Variants in ETF1 observed in about 807,000 individuals in gnomAD.
The protein encoded by ETF1 is eukaryotic translation termination factor 1.
Under a neutral mutation model 55.1 loss-of-function variants are expected in ETF1, and 4 were observed. That is an observed-to-expected ratio of 0.07 (90% confidence interval 0.04 to 0.17). The LOEUF is 0.17. ETF1 is among the 10% of genes least tolerant of loss of function. The probability of loss-of-function intolerance (pLI) is 1.00; values close to 1 mark genes in which losing one functional copy is unlikely to be tolerated. For missense variants in ETF1, 142 were observed against 523.6 expected (o/e 0.27, Z 7.11); for synonymous variants, 157 against 182.3 (o/e 0.86, Z 1.12).
At chr5:138,541,808 G>A in intron 2 of ETF1, 1 of 487,682 alleles carries the variant, frequency 2.1e-6, no homozygotes, top group African/African-American at 2.0e-5. Context: ...TTCTATGACT[G>A]GGAAAGGAAC....
At position 138,517,567 on chromosome 5, in the gene ETF1, A is replaced by G. The variant is rs1166578446; in HGVS notation, c.396T>C (p.His132=). ...TSLYLCDNKF[H]TEALTALLSD... ...TCTGGGTTTGACTTCTTACCTCTGTATGGAATTTGTTGTCACACAAATACA... is the reference window on the plus strand; with the variant it reads ...TCTGGGTTTGACTTCTTACCTCTGTGTGGAATTTGTTGTCACACAAATACA... The change falls in exon 4 of 11, where the codon CAT becomes CAC. Residue 132 remains histidine (H), a synonymous_variant. Coordinates refer to ENST00000360541, the MANE Select transcript of ETF1 (RefSeq NM_004730.4). 6.3e-7 allele frequency: 1 copy of G among 1,576,014 alleles called. No homozygotes were observed. Among genetic ancestry groups the G allele is most frequent in the Admixed American group, 1.7e-5 (1 of 58,564 alleles).
At chr5:138,542,801 A>G (rs1561850481) in intron 2 of ETF1, 32 bp downstream of exon 2, 3 of 1,609,762 alleles carry the variant, frequency 1.9e-6, no homozygotes, top group African/African-American at 2.7e-5. Flanking sequence ...GGGAACCAAG[A>G]GGGCACGGAG....
intron 9 of ETF1, among the ~76,000 whole-genome samples, 177 bp downstream of exon 9, chr5:138,510,388 A>AAAAAAAAAAAAAAAAT: frequency 8.0e-6 from 1 of 124,904 alleles, no homozygotes; most frequent in African/African-American, 2.9e-5. Flanking sequence ...AAAAAAAAAA[A>AAAAAAAAAAAAAAAAT]GCTGCAGCTC....
chr5:138,528,745 G>A (rs1445036292), intron 2 of ETF1, among the ~76,000 whole-genome samples: 1 of 152,108 alleles, frequency 6.6e-6, no homozygotes, highest in Non-Finnish European at 1.5e-5. Context: ...TTTAAAATAA[G>A]ACACCTGACT....
chr5:138,530,843 G>A (rs965838136), intron 2 of ETF1, among the ~76,000 whole-genome samples: 3 of 152,212 alleles, frequency 2.0e-5, no homozygotes, highest in Non-Finnish European at 4.4e-5. Flanking sequence ...GGGATTACAG[G>A]TGTGAGCGAC....
rs1765510034 is a variant in ETF1, at chr5:138,527,193, A to G, written c.87-8326T>C. On this transcript the variant is annotated intron_variant, in intron 2 of 10. Coordinates refer to ENST00000360541, the MANE Select transcript of ETF1 (RefSeq NM_004730.4). ...CTGGCTGTCCAGTCCTCCCACTATC[A>G]AAAATAGCTACTCTCAGATTGGCAG... is the stretch of plus-strand genomic sequence containing the variant. 2.0e-5 allele frequency among the ~76,000 whole-genome samples: 3 copies of G among 152,178 alleles called. No homozygotes were observed. The South Asian group carries it at 6.2e-4, about 32-fold the overall frequency.
intron 2 of ETF1, among the ~76,000 whole-genome samples, chr5:138,521,853 A>G (rs1009020618): frequency 1.3e-5 from 2 of 152,174 alleles, no homozygotes; most frequent in African/African-American, 2.4e-5. Flanking sequence ...TTTTTAGAGC[A>G]TGCACTTCCC....
At chr5:138,530,710 G>GT (rs1311774025) in intron 2 of ETF1, among the ~76,000 whole-genome samples, 6 of 151,940 alleles carry the variant, frequency 3.9e-5, no homozygotes, top group African/African-American at 1.5e-4. Context: ...AGTAGCTAGG[G>GT]TTACAGGCAC....
rs968793284 is a variant in ETF1 at position 138,520,935 on chromosome 5, C to CA, written c.87-2069dup. Among the ~76,000 whole-genome samples the CA allele has an allele frequency of 7.3e-3, 1,083 of 147,810 alleles. 7 individuals are homozygous for CA. The highest frequency in any genetic ancestry group is 9.5e-3 in the Non-Finnish European group (636 of 66,666). ...TGTGGGATAAGTGTGGTAGCTCTTC[C>CA]AAAAAAAAAAATTTTTTTTTAACAC... is the stretch of plus-strand genomic sequence containing the variant. On this transcript the variant is annotated intron_variant, in intron 2 of 10. Coordinates refer to ENST00000360541, the MANE Select transcript of ETF1 (RefSeq NM_004730.4).
intron 2 of ETF1, among the ~76,000 whole-genome samples, chr5:138,527,778 CTT>C (rs111540636): frequency 2.1e-5 from 3 of 145,578 alleles, no homozygotes; most frequent in Admixed American, 7.1e-5. Flanking sequence ...TCTTTCTTTT[CTT>C]TTTTTTTTTG....
chr5:138,533,462 C>T (rs1221341832), intron 2 of ETF1, among the ~76,000 whole-genome samples: 1 of 151,958 alleles, frequency 6.6e-6, no homozygotes, highest in Admixed American at 6.6e-5. Context: ...CCGAGGCAGG[C>T]GGATCACGAG....
intron 9 of ETF1, among the ~76,000 whole-genome samples, chr5:138,510,175 T>C (rs1403287977): frequency 2.7e-5 from 4 of 150,312 alleles, no homozygotes; most frequent in Non-Finnish European, 4.4e-5. Context: ...CAGGGCAACA[T>C]GGTGAAAACG....
At chr5:138,517,472 G>GTT (rs1378209994) in intron 4 of ETF1, 89 bp downstream of exon 4, 1 of 613,168 alleles carries the variant, frequency 1.6e-6, no homozygotes, top group Admixed American at 2.8e-5. Flanking sequence ...GAATGAGACA[G>GTT]GTAAGTGGGA....
chr5:138,518,358 G>A (rs1327407900), intron 3 of ETF1, among the ~76,000 whole-genome samples: 1 of 151,998 alleles, frequency 6.6e-6, no homozygotes, highest in Non-Finnish European at 1.5e-5. Context: ...CTACAGGTGT[G>A]TGCCACCAGG....
intron 2 of ETF1, among the ~76,000 whole-genome samples, chr5:138,519,525 T>G (rs1765150537): frequency 6.6e-6 from 1 of 151,392 alleles, no homozygotes; most frequent in South Asian, 2.1e-4. Flanking sequence ...TCGCTGGGCA[T>G]GGTGGCAAGT....
intron 5 of ETF1, 97 bp downstream of exon 5, chr5:138,513,471 T>C (rs1453553398): frequency 1.8e-6 from 2 of 1,089,154 alleles, no homozygotes; most frequent in East Asian, 2.4e-5. Flanking sequence ...CCCAAAGTGC[T>C]GGGATTACAG....
At chr5:138,511,339 A>C (rs1764766725) in intron 7 of ETF1, 136 bp downstream of exon 7, 2 of 1,503,122 alleles carry the variant, frequency 1.3e-6, no homozygotes, top group South Asian at 2.7e-5. Context: ...AATACTAAAT[A>C]TTCCTTTTTA....
At chr5:138,512,686 C>T (rs1249803099) in intron 6 of ETF1, 78 bp downstream of exon 6, 1 of 1,294,976 alleles carries the variant, frequency 7.7e-7, no homozygotes, top group African/African-American at 1.6e-5. Flanking sequence ...AAAGATGTGT[C>T]TGTTCCAGTG....
chr5:138,516,299 C>T (rs898063683), intron 4 of ETF1, among the ~76,000 whole-genome samples: 1 of 152,084 alleles, frequency 6.6e-6, no homozygotes, highest in Non-Finnish European at 1.5e-5. Context: ...AGTGTGATAG[C>T]TCACATTGCA....
Sources: allele counts gnomAD v4.1 joint callset (sites outside exome capture counted in the v4.1 genomes callset), GRCh38; gene constraint gnomAD v4.1.1; transcripts MANE v1.5; gene names NCBI Gene and HGNC (gene_info 2026-07-23, HGNC 2026-07-21).